Variants in ABL1 observed in about 807,000 individuals in gnomAD.
The protein encoded by ABL1 is ABL proto-oncogene 1, non-receptor tyrosine kinase.
A neutral mutation model predicts 94.7 loss-of-function variants in ABL1; 11 were observed. That is an observed-to-expected ratio of 0.12 (90% CI 0.07 to 0.19). ABL1 has a LOEUF of 0.19. Ranked by LOEUF, ABL1 falls within the 10% of genes least tolerant of loss-of-function variation. The pLI is 1.00. For synonymous variants in ABL1, 656 were observed against 622.4 expected (o/e 1.05, Z -0.80); for missense variants, 1,082 against 1,489.4 (o/e 0.73, Z 4.50).
chr9:130,724,499 T>G (rs764801072), intron 1 of ABL1, among the ~76,000 whole-genome samples: 3 of 151,656 alleles, frequency 2.0e-5, no homozygotes, highest in Non-Finnish European at 4.4e-5. Context: ...ACCAGAACAT[T>G]TATTGTGTGG....
chr9:130,840,239 C>T (rs911331950), intron 1 of ABL1, among the ~76,000 whole-genome samples: 5 of 152,182 alleles, frequency 3.3e-5, no homozygotes, highest in Non-Finnish European at 7.3e-5. Flanking sequence ...TGTTTTGATG[C>T]GTATAATTAA....
chr9:130,884,863 G>T lies in ABL1; in HGVS notation c.2573G>T (p.Gly858Val). Residue 858 changes from glycine to valine, a missense_variant, in exon 11 of 11, where the codon GGC becomes GTC. By Grantham distance (109) the Gly-to-Val change is moderately radical (BLOSUM62 -3). Transcript: ENST00000318560. The surrounding 1 kb of genome is among the most constrained non-coding windows in gnomAD (Gnocchi z 5.6). Reference protein sequence around the residue: ...AEPVTPTSKAGSGAPGGTSKG... With the variant: ...AEPVTPTSKAVSGAPGGTSKG... ...CCAGTGACCCCCACCAGCAAAGCAG[G>T]CTCAGGTGCACCAGGGGGCACCAGC... 6.2e-7 allele frequency: 1 copy of T among 1,607,350 alleles called. No homozygotes were observed. The highest frequency in any genetic ancestry group is 8.5e-7 in the Non-Finnish European group (1 of 1,176,874).
At chr9:130,883,106 C>G (rs1251664448) in intron 10 of ABL1, among the ~76,000 whole-genome samples, 1 of 152,158 alleles carries the variant, frequency 6.6e-6, no homozygotes, top group Non-Finnish European at 1.5e-5. Flanking sequence ...CCCAGCCGGG[C>G]TACAGCACTG....
chr9:130,761,626 G>A (rs1183582254), intron 1 of ABL1, among the ~76,000 whole-genome samples: 3 of 152,268 alleles, frequency 2.0e-5, no homozygotes, highest in South Asian at 4.2e-4. Flanking sequence ...CGCATCACGC[G>A]TGGTGCCACT....
At chr9:130,763,595 T>G (rs2132753845) in intron 1 of ABL1, among the ~76,000 whole-genome samples, 1 of 152,328 alleles carries the variant, frequency 6.6e-6, no homozygotes, top group East Asian at 1.9e-4. Flanking sequence ...GCCTCCAAGA[T>G]GGCTCACTCA....
At chr9:130,720,885 G>A (rs1420426894) in intron 1 of ABL1, among the ~76,000 whole-genome samples, 4 of 151,858 alleles carry the variant, frequency 2.6e-5, no homozygotes, top group African/African-American at 7.3e-5. Context: ...TCAGGTTTTC[G>A]AACTGAATAA....
intron 1 of ABL1, among the ~76,000 whole-genome samples, chr9:130,840,100 A>C (rs1014211447): frequency 6.6e-6 from 1 of 152,232 alleles, no homozygotes; most frequent in African/African-American, 2.4e-5. Context: ...AGCTGTTGTT[A>C]CTTTAAGCAA....
intron 7 of ABL1, among the ~76,000 whole-genome samples, chr9:130,876,053 C>G (rs1054828531): frequency 2.0e-5 from 3 of 152,212 alleles, no homozygotes; most frequent in African/African-American, 7.2e-5. Flanking sequence ...GTCTCCAACT[C>G]CTGACTTCGT....
chr9:130,802,079 A>C (rs1284614114), intron 1 of ABL1, among the ~76,000 whole-genome samples: 1 of 133,356 alleles, frequency 7.5e-6, no homozygotes, highest in East Asian at 2.1e-4. Flanking sequence ...GAGTCTGTTC[A>C]TTTTTTTCCT....
intron 1 of ABL1, among the ~76,000 whole-genome samples, chr9:130,842,410 A>C (rs1236870072): frequency 6.6e-6 from 1 of 152,240 alleles, no homozygotes; most frequent in Non-Finnish European, 1.5e-5. Context: ...TTCTCTATAG[A>C]AACCTAGTCT....
intron 1 of ABL1, among the ~76,000 whole-genome samples, chr9:130,829,254 G>T (rs1830463390): frequency 6.6e-6 from 1 of 152,104 alleles, no homozygotes; most frequent in Non-Finnish European, 1.5e-5. Flanking sequence ...GCAAAATGAA[G>T]AAGTCAGTCA....
intron 1 of ABL1, among the ~76,000 whole-genome samples, chr9:130,768,845 T>A (rs1185678083): frequency 6.6e-6 from 1 of 152,222 alleles, no homozygotes; most frequent in Non-Finnish European, 1.5e-5. Flanking sequence ...ATTGTGGCTG[T>A]CATTCTGTAC....
chr9:130,861,655 A>T (rs1026942407), intron 3 of ABL1, among the ~76,000 whole-genome samples: 3 of 151,990 alleles, frequency 2.0e-5, no homozygotes, highest in African/African-American at 7.2e-5. Flanking sequence ...ACTGTCCCAA[A>T]TCTGCTCCTT....
chr9:130,751,269 G>A (rs1325869730), intron 1 of ABL1, among the ~76,000 whole-genome samples: 1 of 148,796 alleles, frequency 6.7e-6, no homozygotes, highest in Non-Finnish European at 1.5e-5. Flanking sequence ...AACCTCCCGA[G>A]TAGCTGGGAC....
intron 1 of ABL1, among the ~76,000 whole-genome samples, chr9:130,828,711 C>CA (rs987267644): frequency 6.8e-4 from 100 of 147,670 alleles, no homozygotes; most frequent in Middle Eastern, 3.5e-3. Flanking sequence ...AACTGCGTCT[C>CA]AAAAAAAAAG....
intron 1 of ABL1, among the ~76,000 whole-genome samples, chr9:130,729,618 T>G (rs1390337951): frequency 6.6e-6 from 1 of 152,206 alleles, no homozygotes; most frequent in African/African-American, 2.4e-5. Flanking sequence ...GCCTGTCATC[T>G]AATGCCTGAA....
intron 1 of ABL1, among the ~76,000 whole-genome samples, chr9:130,829,520 G>A (rs1277821832): frequency 1.3e-5 from 2 of 148,670 alleles, no homozygotes; most frequent in African/African-American, 5.0e-5. Context: ...GGCGGAGATC[G>A]CGCCACTGCA....
Position 130,886,556 on chromosome 9 carries a change from T to G in ABL1, c.*873T>G, listed in dbSNP as rs1449110197. 2 of 233,322 alleles carry G rather than the reference T, an allele frequency of 8.6e-6. No homozygotes were observed. Among genetic ancestry groups the G allele is most frequent in the Non-Finnish European group, 8.5e-6 (1 of 118,004 alleles). 14.5% of individuals were successfully genotyped at this position (233,322 alleles called of 1,614,324 possible). A position where few individuals can be genotyped will look rare whatever the true frequency, so the allele number is the denominator to read the frequency against. ...GGCAGGGGACAAGGGAGGCAGTGGC[T>G]AGTGGGGTGAACAGCTGGTGCCAAA... On this transcript the variant is annotated 3_prime_UTR_variant, in exon 11 of 11. Transcript: ENST00000318560.
At chr9:130,739,941 TAAAGTG>T (rs1259995936) in intron 1 of ABL1, among the ~76,000 whole-genome samples, 1 of 152,214 alleles carries the variant, frequency 6.6e-6, no homozygotes, top group Non-Finnish European at 1.5e-5. Flanking sequence ...GTCACAATGT[TAAAGTG>T]AATCAGAAGA....
Sources: gnomAD v4.1 joint callset for allele counts (sites outside exome capture counted in the v4.1 genomes callset) on GRCh38, gnomAD v4.1.1 for gene constraint, Gnocchi (gnomAD v3.1) non-coding constraint, MANE v1.5 for transcripts, NCBI Gene and HGNC (gene_info 2026-07-23, HGNC 2026-07-21) for gene names.